WDR5: variants seen among roughly 807,000 people sequenced by gnomAD.
WDR5 encodes the protein WD repeat-containing protein 5.
For missense variants in WDR5, 187 were observed against 416.9 expected (o/e 0.45, Z 4.80); for synonymous variants, 144 against 161.6 (o/e 0.89, Z 0.83).
rs199946136 is a variant in WDR5 at position 134,158,003 on chromosome 9, C to T, written c.*10C>T. On this transcript the variant is annotated 3_prime_UTR_variant, in exon 14 of 14. Coordinates refer to ENST00000358625, the MANE Select transcript of WDR5 (RefSeq NM_017588.3). The stretch of plus-strand genomic sequence containing the variant: ...GAAGAGTGACTGCTAAGTCCCTTTG[C>T]TCCTGCCCGCGAGAGACTGTCGGGA... 8.1e-6 allele frequency: 13 copies of T among 1,612,620 alleles called. No homozygotes were observed. In the East Asian group the frequency reaches 2.7e-4, roughly 33 times the overall value.
At chr9:134,142,604 T>A in intron 6 of WDR5, 32 bp from the exon 7 acceptor site, 1 of 1,612,944 alleles carries the variant, frequency 6.2e-7, no homozygotes, top group Non-Finnish European at 8.5e-7. Flanking sequence ...CTCTCCTTCC[T>A]GTAAAATCAC....
At chr9:134,151,902 A>G (rs888269996) in intron 8 of WDR5, 81 bp from the exon 9 acceptor site, 3 of 1,449,888 alleles carry the variant, frequency 2.1e-6, no homozygotes, top group Admixed American at 2.0e-5. Context: ...TGCTAGTCCT[A>G]AAATTTATAT....
At chr9:134,152,714 C>T (rs918481414) in intron 9 of WDR5, among the ~76,000 whole-genome samples, 32 of 152,220 alleles carry the variant, frequency 2.1e-4, no homozygotes, top group African/African-American at 7.2e-4. Context: ...TGTGGGGAGG[C>T]ACCCCGTTTG....
intron 10 of WDR5, 60 bp downstream of exon 10, chr9:134,154,601 C>T (rs891942570): frequency 3.3e-5 from 51 of 1,565,498 alleles, no homozygotes; most frequent in Middle Eastern, 1.7e-4. Flanking sequence ...GAGACACCTG[C>T]GTGCCAGCGT....
At chr9:134,154,261 G>A (rs1044080474) in intron 9 of WDR5, among the ~76,000 whole-genome samples, 1 of 152,122 alleles carries the variant, frequency 6.6e-6, no homozygotes, top group Non-Finnish European at 1.5e-5. Flanking sequence ...CGGGCCTATG[G>A]GCTTGAGGTG....
rs1039595088 is a variant in WDR5 at position 134,157,627 on chromosome 9, G to A, written c.905-266G>A. Among the ~76,000 whole-genome samples, 1 of 152,090 alleles carries A rather than the reference G, an allele frequency of 6.6e-6. No homozygotes were observed. The highest frequency in any genetic ancestry group is 2.4e-5 in the African/African-American group (1 of 41,416). On this transcript the variant is annotated intron_variant, in intron 13 of 13. Coordinates refer to ENST00000358625, the MANE Select transcript of WDR5 (RefSeq NM_017588.3). This position sits in a 1 kb window ranked among gnomAD's most constrained non-coding sequence, Gnocchi z 5.0. ...TTGGTGGGGGCGTGTGGGGCTCCTG[G>A]TCTGCAGGCAGGGCTGGCACTCCCT...
chr9:134,154,567 G>A, intron 10 of WDR5, 26 bp downstream of exon 10: 1 of 1,612,702 alleles, frequency 6.2e-7, no homozygotes, highest in Non-Finnish European at 8.5e-7. Context: ...GACTGTGGGG[G>A]CGGGCATGTG....
In WDR5 at chr9:134,145,096, G is replaced by GTTTTTTTTTTTTTTT. The variant is rs56864188; in HGVS notation, c.528+2383_528+2397dup. On this transcript the variant is annotated intron_variant, in intron 7 of 13. Transcript: ENST00000358625. ...ACTGCAGAGAGGTTTGTGGGGCTTT[G>GTTTTTTTTTTTTTTT]TTTTTTTTTTTTTTTTTTTTGAAAC... 4.2e-4 allele frequency among the ~76,000 whole-genome samples: 44 copies of GTTTTTTTTTTTTTTT among 104,714 alleles called. 2 individuals are homozygous for GTTTTTTTTTTTTTTT. Among genetic ancestry groups the GTTTTTTTTTTTTTTT allele is most frequent in the African/African-American group, 1.3e-3 (39 of 29,154 alleles). The allele number at this position is 104,714 out of a possible 152,430, so 68.7% of individuals were successfully genotyped here. A position where few individuals can be genotyped will look rare whatever the true frequency, so the allele number is the denominator to read the frequency against.
At chr9:134,137,207 G>T (rs34646496) in intron 1 of WDR5, among the ~76,000 whole-genome samples, 1,625 of 152,306 alleles carry the variant, frequency 0.011, 18 homozygotes, top group Middle Eastern at 0.024. Context: ...GCTTCAGGTG[G>T]TCAGGCTTAC....
intron 2 of WDR5, among the ~76,000 whole-genome samples, 163 bp from the exon 3 acceptor site, chr9:134,140,540 T>G (rs1046152979): frequency 1.3e-5 from 2 of 152,146 alleles, no homozygotes; most frequent in African/African-American, 4.8e-5. Context: ...GTGTTCCACT[T>G]GAAAGGTACT....
intron 3 of WDR5, 65 bp downstream of exon 3, chr9:134,140,876 G>A (rs750753163): frequency 1.3e-6 from 2 of 1,499,466 alleles, no homozygotes; most frequent in Non-Finnish European, 1.9e-6. Context: ...AAAAGCTGGC[G>A]AGGGGATGGC....
chr9:134,153,583 A>G (rs1362853907), intron 9 of WDR5, among the ~76,000 whole-genome samples: 1 of 152,208 alleles, frequency 6.6e-6, no homozygotes, highest in Non-Finnish European at 1.5e-5. Context: ...GAGGGACCGC[A>G]TGGCCTCACA....
upstream of WDR5, chr9:134,135,378 CTGCGGAGCGGG>C: frequency 6.6e-6 from 1 of 152,268 alleles, no homozygotes; most frequent in South Asian, 2.1e-4. Flanking sequence ...AGTTTGCGCA[CTGCGGAGCGGG>C]CGCGGGTGAC....
In WDR5 at chr9:134,150,296, A is replaced by G. The variant is rs145470055; in HGVS notation, c.585-1687A>G. ...AAGGATTATAACGTAAACATCAGGAAACCTATTATCTAATTCTACCAACAG... is the reference window on the plus strand; with the variant it reads ...AAGGATTATAACGTAAACATCAGGAGACCTATTATCTAATTCTACCAACAG... On this transcript the variant is annotated intron_variant, in intron 8 of 13. Coordinates refer to ENST00000358625, the MANE Select transcript of WDR5 (RefSeq NM_017588.3). Among the ~76,000 whole-genome samples the G allele has an allele frequency of 2.4e-3, 368 of 152,342 alleles. 2 individuals are homozygous for G. The highest frequency in any genetic ancestry group is 8.5e-3 in the African/African-American group (355 of 41,584).
chr9:134,142,488 G>T (rs751551933), intron 6 of WDR5, 66 bp downstream of exon 6: 736 of 1,591,006 alleles, frequency 4.6e-4, no homozygotes, highest in Non-Finnish European at 6.1e-4. Context: ...TGTTGAATTT[G>T]CTTGTAGCCA....
chr9:134,140,384 G>C (rs1052408477), intron 2 of WDR5, among the ~76,000 whole-genome samples: 5 of 152,042 alleles, frequency 3.3e-5, no homozygotes, highest in Non-Finnish European at 7.4e-5. Context: ...CTGTGCTGTA[G>C]CAGGATCACA....
chr9:134,140,018 G>A, intron 2 of WDR5, 60 bp downstream of exon 2: 1 of 1,585,186 alleles, frequency 6.3e-7, no homozygotes, highest in Non-Finnish European at 8.7e-7. Context: ...GAGAGTCTCG[G>A]AAACATCTCA....
At chr9:134,155,489 G>A (rs909374418) in intron 11 of WDR5, 116 bp downstream of exon 11, 6 of 1,418,248 alleles carry the variant, frequency 4.2e-6, no homozygotes, top group African/African-American at 1.4e-5. Flanking sequence ...AGCCATCTCC[G>A]CTGGGTTTGG....
upstream of WDR5, chr9:134,135,399 C>G (rs1045029638): frequency 6.6e-6 from 1 of 152,224 alleles, no homozygotes; most frequent in Admixed American, 6.5e-5. Flanking sequence ...GCGCGGGTGA[C>G]TCCAGAGCGG....
Sources: allele counts gnomAD v4.1 joint callset (sites outside exome capture counted in the v4.1 genomes callset), GRCh38; gene constraint gnomAD v4.1.1; non-coding constraint Gnocchi (gnomAD v3.1); transcripts MANE v1.5; gene names NCBI Gene and HGNC (gene_info 2026-07-23, HGNC 2026-07-21).